The following NR6A1 variants were observed in gnomAD, a reference collection of about 807,000 sequenced individuals.
NR6A1 encodes retinoic acid receptor-related testis-associated receptor.
In NR6A1, 7 loss-of-function variants were observed where a neutral mutation model predicts 59.1. The ratio of observed to expected loss-of-function variants is 0.12; its 90% CI spans 0.07 to 0.22. NR6A1 has a LOEUF of 0.22. Among genes scored for constraint, NR6A1 ranks in the 10% least tolerant of loss-of-function variants. NR6A1 has a pLI of 1.00. For synonymous variants in NR6A1, 243 were observed against 236.1 expected (o/e 1.03, Z -0.27); for missense variants, 468 against 611.6 (o/e 0.77, Z 2.48).
chr9:124,739,620 CA>C (rs1302318613), intron 1 of NR6A1, among the ~76,000 whole-genome samples: 2 of 152,118 alleles, frequency 1.3e-5, no homozygotes, highest in Non-Finnish European at 2.9e-5. Flanking sequence ...ACACATTTGA[CA>C]AAAAGGCATT....
At chr9:124,725,367 T>C (rs948683979) in intron 2 of NR6A1, among the ~76,000 whole-genome samples, 2 of 151,358 alleles carry the variant, frequency 1.3e-5, no homozygotes, top group African/African-American at 4.9e-5. Context: ...TGGCTGCCCA[T>C]CTGCTTTATC....
At chr9:124,692,707 T>C (rs1564240411) in intron 2 of NR6A1, among the ~76,000 whole-genome samples, 1 of 152,248 alleles carries the variant, frequency 6.6e-6, no homozygotes, top group Admixed American at 6.5e-5. Flanking sequence ...TGTTTTATTA[T>C]TATTTGTTTG....
intron 2 of NR6A1, among the ~76,000 whole-genome samples, chr9:124,561,170 T>C (rs1834075046): frequency 6.6e-6 from 1 of 152,266 alleles, no homozygotes; most frequent in East Asian, 1.9e-4. Context: ...GCACAGTGGC[T>C]CATGCCTGTG....
At position 124,517,849 on chromosome 9, in the gene NR6A1, G is replaced by A. The variant is rs1056621282; in HGVS notation, c.*4856C>T. On this transcript the variant is annotated 3_prime_UTR_variant, in exon 10 of 10. Coordinates refer to ENST00000487099, the MANE Select transcript of NR6A1 (RefSeq NM_033334.4). The stretch of plus-strand genomic sequence containing the variant: ...AAAACACCAACACCCCAGGGCAGGC[G>A]GGGCTTCTTTCCCGACAGAAACATG... 2.6e-5 allele frequency: 4 copies of A among 152,148 alleles called. No individual in the cohort carries two copies. Among genetic ancestry groups the A allele is most frequent in the African/African-American group, 7.2e-5 (3 of 41,404 alleles). The allele number at this position is 152,148 out of a possible 1,614,324, so 9.4% of individuals were successfully genotyped here.
At position 124,647,992 on chromosome 9, in the gene NR6A1, CACA is replaced by C. The variant is rs556094808; in HGVS notation, c.142+85313_142+85315del. Among the ~76,000 whole-genome samples, 131 of 152,118 alleles carry C rather than the reference CACA, an allele frequency of 8.6e-4. 3 individuals carry two copies. The South Asian group carries it at 0.026, about 30-fold the overall frequency. On this transcript the variant is annotated intron_variant, in intron 2 of 9. Transcript: ENST00000487099. ...CTTACCCTGATACCAAAGCCAAAGA[CACA>C]ACAACAACAGAAACTACAGGCTAGT... is the stretch of plus-strand genomic sequence containing the variant.
chr9:124,573,869 T>C (rs1834519888), intron 2 of NR6A1, among the ~76,000 whole-genome samples: 1 of 152,204 alleles, frequency 6.6e-6, no homozygotes, highest in South Asian at 2.1e-4. Context: ...TATACATGGA[T>C]AAAACTTTGG....
chr9:124,741,463 A>G (rs932699668), intron 1 of NR6A1, among the ~76,000 whole-genome samples: 12 of 152,210 alleles, frequency 7.9e-5, no homozygotes, highest in Non-Finnish European at 2.9e-5. Flanking sequence ...AGGTAGAGAT[A>G]TGAATAAGAC....
intron 2 of NR6A1, among the ~76,000 whole-genome samples, chr9:124,683,597 C>T (rs558120531): frequency 6.6e-6 from 1 of 152,270 alleles, no homozygotes; most frequent in South Asian, 2.1e-4. Context: ...AGTTCAAGAC[C>T]AGCCTGGTCA....
rs143006027 is a variant in NR6A1, at chr9:124,752,550, C to T, written c.100+18470G>A. ...GTCAAAGAAATTGTCCTTTAATGCA[C>T]TTGAGATAACATCTGTTTCAAAAAC... On this transcript the variant is annotated intron_variant, in intron 1 of 9. Transcript: ENST00000487099. 5.5e-3 allele frequency among the ~76,000 whole-genome samples: 837 copies of T among 152,184 alleles called. 7 individuals carry two copies. The highest frequency in any genetic ancestry group is 0.019 in the African/African-American group (795 of 41,510).
rs572746107 is a variant in NR6A1, at chr9:124,517,544, C to T, written c.*5161G>A. ...TGGAGACAAGGGCTCAGGGACATCC[C>T]GTTTCCTCGATTCCTACACACAGGA... On this transcript the variant is annotated 3_prime_UTR_variant, in exon 10 of 10. Transcript: ENST00000487099. 3 of 152,238 alleles carry T rather than the reference C, an allele frequency of 2.0e-5. 1 individual carries two copies. Among genetic ancestry groups the T allele is most frequent in the East Asian group, 3.9e-4 (2 of 5,166 alleles). The allele number at this position is 152,238 out of a possible 1,614,324, so 9.4% of individuals were successfully genotyped here.
At chr9:124,617,721 C>T (rs566240062) in intron 2 of NR6A1, among the ~76,000 whole-genome samples, 1 of 152,212 alleles carries the variant, frequency 6.6e-6, no homozygotes, top group African/African-American at 2.4e-5. Context: ...AGACATTAAG[C>T]CTGGGGAGTG....
Position 124,521,242 on chromosome 9 carries a change from G to A in NR6A1, c.*1463C>T, listed in dbSNP as rs1832796059. ...GTGTAGCGCTGGCCAAAGTCAAGAG[G>A]GTAAGGAACACGTCCTGGGATAAGG... On this transcript the variant is annotated 3_prime_UTR_variant, in exon 10 of 10. Transcript: ENST00000487099. The A allele has an allele frequency of 6.6e-6, 1 of 152,580 alleles. No homozygotes were observed. Among genetic ancestry groups the A allele is most frequent in the African/African-American group, 2.4e-5 (1 of 41,446 alleles). The allele number at this position is 152,580 out of a possible 1,614,324, so 9.5% of individuals were successfully genotyped here.
At position 124,648,635 on chromosome 9, in the gene NR6A1, C is replaced by T. The variant is rs926353385; in HGVS notation, c.142+84673G>A. The stretch of plus-strand genomic sequence containing the variant: ...GAGAAAGAAATAAAGGGCAGCCAAA[C>T]TGTAAAAGAAGAAGTCAAACTGTCC... On this transcript the variant is annotated intron_variant, in intron 2 of 9. Transcript: ENST00000487099. Among the ~76,000 whole-genome samples the T allele has an allele frequency of 2.0e-5, 3 of 151,116 alleles. No individual in the cohort carries two copies. The East Asian group carries it at 5.8e-4, about 29-fold the overall frequency.
chr9:124,683,241 A>G (rs200936279), intron 2 of NR6A1, among the ~76,000 whole-genome samples: 74 of 117,976 alleles, frequency 6.3e-4, no homozygotes, highest in Non-Finnish European at 1.1e-3. Flanking sequence ...GAAAGGGAAA[A>G]GGAAAAGGAA....
At chr9:124,696,988 C>G (rs1224538916) in intron 2 of NR6A1, among the ~76,000 whole-genome samples, 1 of 152,144 alleles carries the variant, frequency 6.6e-6, no homozygotes, top group Admixed American at 6.5e-5. Context: ...AATATTGTGG[C>G]CATCTTTCCA....
intron 3 of NR6A1, among the ~76,000 whole-genome samples, chr9:124,550,367 A>G (rs1046311002): frequency 2.0e-5 from 3 of 148,200 alleles, no homozygotes; most frequent in Non-Finnish European, 4.5e-5. Context: ...GTGATGTTCT[A>G]ATGGTGAATT....
intron 2 of NR6A1, among the ~76,000 whole-genome samples, chr9:124,681,782 G>C (rs999640164): frequency 2.6e-5 from 4 of 152,108 alleles, no homozygotes; most frequent in Non-Finnish European, 4.4e-5. Flanking sequence ...ATTATGAAAT[G>C]TGTCAATATT....
intron 2 of NR6A1, among the ~76,000 whole-genome samples, chr9:124,585,517 C>A (rs1482237740): frequency 7.5e-6 from 1 of 133,998 alleles, no homozygotes; most frequent in Non-Finnish European, 1.5e-5. Flanking sequence ...GCACTCCAGC[C>A]TGGGTGACAC....
At chr9:124,549,795 C>G (rs1833714935) in intron 3 of NR6A1, among the ~76,000 whole-genome samples, 2 of 152,186 alleles carry the variant, frequency 1.3e-5, no homozygotes, top group Non-Finnish European at 2.9e-5. Context: ...ATAATCATGT[C>G]TAGTCATCAA....
Sources: gnomAD v4.1 joint callset for allele counts (sites outside exome capture counted in the v4.1 genomes callset) on GRCh38, gnomAD v4.1.1 for gene constraint, MANE v1.5 for transcripts, NCBI Gene and HGNC (gene_info 2026-07-23, HGNC 2026-07-21) for gene names.